Variants in VSX2 observed in about 807,000 individuals in gnomAD.
The protein encoded by VSX2 is ceh-10 homeo domain containing homolog.
A neutral mutation model predicts 32.1 loss-of-function variants in VSX2; 28 were observed. The ratio of observed to expected loss-of-function variants is 0.87; its 90% CI spans 0.65 to 1.20. VSX2 has a LOEUF of 1.20. Ranked by LOEUF, VSX2 falls within the 50% of genes most tolerant of loss-of-function variation. VSX2 has a pLI of 0.00. For missense variants in VSX2, 506 were observed against 488.7 expected (o/e 1.04, Z -0.33); for synonymous variants, 243 against 214.1 (o/e 1.14, Z -1.18).
chr14:74,260,764 G>A lies in VSX2; in HGVS notation c.931G>A (p.Ala311Thr). Residue 311 changes from alanine (A) to threonine (T), a missense_variant, in exon 5 of 5, where the codon GCC (alanine) becomes ACC (threonine). Transcript: ENST00000261980. ...GGAGAACAGCATTGCGGTGCTCCGGGCCAAAGCTCAGGAGCACAGCACCAA... is the reference window on the plus strand; with the variant it reads ...GGAGAACAGCATTGCGGTGCTCCGGACCAAAGCTCAGGAGCACAGCACCAA... ...LRENSIAVLR[A>T]KAQEHSTKVL... is the part of the protein sequence containing the mutation. 1.9e-6 allele frequency: 3 copies of A among 1,586,504 alleles called. No individual in the cohort carries two copies. Among genetic ancestry groups the A allele is most frequent in the Non-Finnish European group, 2.6e-6 (3 of 1,166,596 alleles).
rs1186519777 is a variant in VSX2 at position 74,262,600 on chromosome 14, A to G, written c.*1681A>G. On this transcript the variant is annotated 3_prime_UTR_variant, in exon 5 of 5. Coordinates refer to ENST00000261980, the MANE Select transcript of VSX2 (RefSeq NM_182894.3). ...ATAGCCCCTGGTGTGTAAATAATGTACATAGAGTGAGAAGAAAGAAACTTG... is the reference window on the plus strand; with the variant it reads ...ATAGCCCCTGGTGTGTAAATAATGTGCATAGAGTGAGAAGAAAGAAACTTG... 2 of 152,208 alleles carry G rather than the reference A, an allele frequency of 1.3e-5. No homozygotes were observed. The highest frequency in any genetic ancestry group is 2.9e-5 in the Non-Finnish European group (2 of 68,038). 9.4% of individuals were successfully genotyped at this position (152,208 alleles called of 1,614,324 possible).
intron 3 of VSX2, among the ~76,000 whole-genome samples, chr14:74,258,138 C>G (rs1332034655): frequency 6.6e-6 from 1 of 152,106 alleles, no homozygotes; most frequent in East Asian, 1.9e-4. Flanking sequence ...TGGGGGTCCC[C>G]GGGGAAGCGG....
At position 74,239,555 on chromosome 14, in the gene VSX2, C is replaced by T. The variant is rs1406014598; in HGVS notation, c.-7C>T. 1.3e-6 allele frequency: 2 copies of T among 1,550,996 alleles called. No homozygotes were observed. Among genetic ancestry groups the T allele is most frequent in the Non-Finnish European group, 8.7e-7 (1 of 1,146,970 alleles). ...CTGCGGCCTCAGCCCCTCCAAAGAACAGGGAGATGACGGGGAAAGCAGGGG... is the reference window on the plus strand; with the variant it reads ...CTGCGGCCTCAGCCCCTCCAAAGAATAGGGAGATGACGGGGAAAGCAGGGG... On this transcript the variant is annotated 5_prime_UTR_variant, in exon 1 of 5. Coordinates refer to ENST00000261980, the MANE Select transcript of VSX2 (RefSeq NM_182894.3).
At chr14:74,259,536 AG>A in intron 3 of VSX2, 65 bp from the exon 4 acceptor site, 1 of 1,599,806 alleles carries the variant, frequency 6.3e-7, no homozygotes, top group Non-Finnish European at 8.6e-7. Context: ...CAAGCCTACA[AG>A]GGGTAAGGGC....
rs747681537 is a variant in VSX2, at chr14:74,253,565, TA to T, written c.580-6035del. On this transcript the variant is annotated intron_variant, in intron 3 of 4. Coordinates refer to ENST00000261980, the MANE Select transcript of VSX2 (RefSeq NM_182894.3). ...TGGCAGGCATTTCCCACACGCTGTTTAATTTCCACCAGAAACCTGCAGAGAG... is the reference window on the plus strand; with the variant it reads ...TGGCAGGCATTTCCCACACGCTGTTTATTTCCACCAGAAACCTGCAGAGAG... Among the ~76,000 whole-genome samples the T allele has an allele frequency of 7.2e-5, 11 of 152,354 alleles. No individual in the cohort carries two copies. The South Asian group carries it at 1.9e-3, about 26-fold the overall frequency.
At chr14:74,244,439 G>A (rs977259239) in intron 2 of VSX2, among the ~76,000 whole-genome samples, 2 of 152,102 alleles carry the variant, frequency 1.3e-5, no homozygotes, top group African/African-American at 4.8e-5. Context: ...GGGTGATGTC[G>A]AGGAAGGGCA....
At chr14:74,239,990 G>C in intron 1 of VSX2, 59 bp downstream of exon 1, 1 of 1,535,334 alleles carries the variant, frequency 6.5e-7, no homozygotes, top group Non-Finnish European at 8.8e-7. Context: ...GGAGCCCCGC[G>C]CCGTCGGCTC....
At chr14:74,246,563 G>A (rs991861748) in intron 3 of VSX2, among the ~76,000 whole-genome samples, 1 of 152,216 alleles carries the variant, frequency 6.6e-6, no homozygotes, top group Non-Finnish European at 1.5e-5. Flanking sequence ...CCACCCAATT[G>A]GGTTCTTGTG....
At chr14:74,248,768 G>A (rs1171887407) in intron 3 of VSX2, among the ~76,000 whole-genome samples, 3 of 152,092 alleles carry the variant, frequency 2.0e-5, no homozygotes, top group Admixed American at 6.6e-5. Context: ...TGGAGATCAG[G>A]AACCCGGATT....
intron 3 of VSX2, among the ~76,000 whole-genome samples, chr14:74,258,010 G>A (rs992177400): frequency 2.0e-5 from 3 of 152,164 alleles, no homozygotes; most frequent in African/African-American, 7.2e-5. Flanking sequence ...CGCCGAGCCC[G>A]CATGCATTTC....
At position 74,259,868 on chromosome 14, in the gene VSX2, G is replaced by A. The variant is rs7145867; in HGVS notation, c.760+86G>A. ...GGAGGGGACAGAGCCTTGAGGCAGG[G>A]GCACTTGGGCCACAGCAGCCTAGCA... On this transcript the variant is annotated intron_variant, in intron 4 of 4. Transcript: ENST00000261980. 16,070 of 1,397,790 alleles carry A rather than the reference G, an allele frequency of 0.011. 1,378 individuals are homozygous for A. In the African/African-American group the frequency reaches 0.19, roughly 17 times the overall value. 86.6% of individuals were successfully genotyped at this position (1,397,790 alleles called of 1,614,324 possible).
chr14:74,260,186 TTC>T (rs1161784644), intron 4 of VSX2, among the ~76,000 whole-genome samples: 1 of 152,198 alleles, frequency 6.6e-6, no homozygotes, highest in East Asian at 1.9e-4. Context: ...CCCAAAGGAC[TTC>T]TGTCCCCCAA....
At chr14:74,258,655 G>A (rs139330563) in intron 3 of VSX2, among the ~76,000 whole-genome samples, 19 of 152,294 alleles carry the variant, frequency 1.2e-4, no homozygotes, top group African/African-American at 4.3e-4. Context: ...GGCTCTGTCA[G>A]CTGCGGGAAA....
rs1413077993 is a variant in VSX2 at position 74,254,746 on chromosome 14, C to T, written c.580-4856C>T. ...GACAAACACTGATTTTAGGCACTCA[C>T]TTATTTCATGTAATCCTCCAAAAAC... On this transcript the variant is annotated intron_variant, in intron 3 of 4. Transcript: ENST00000261980. Among the ~76,000 whole-genome samples the T allele has an allele frequency of 3.3e-5, 5 of 149,314 alleles. No individual in the cohort carries two copies. The South Asian group carries it at 1.1e-3, about 31-fold the overall frequency.
At position 74,239,810 on chromosome 14, in the gene VSX2, G is replaced by T. The variant is rs751526974; in HGVS notation, c.249G>T (p.Gly83=). The T allele has an allele frequency of 6.4e-7, 1 of 1,571,050 alleles. No homozygotes were observed. Among genetic ancestry groups the T allele is most frequent in the Non-Finnish European group, 8.6e-7 (1 of 1,159,502 alleles). The part of the protein sequence containing the change: ...VGGMGLLGPG[G]LPGFYTQPTF... ...GCATGGGGCTTCTGGGGCCCGGGGG[G>T]CTCCCTGGCTTCTACACGCAGCCCA... Residue 83 remains glycine (G), a synonymous_variant, in exon 1 of 5, where the codon GGG becomes GGT. Coordinates refer to ENST00000261980, the MANE Select transcript of VSX2 (RefSeq NM_182894.3).
At chr14:74,241,726 C>T (rs1566883392) in intron 2 of VSX2, among the ~76,000 whole-genome samples, 1 of 152,234 alleles carries the variant, frequency 6.6e-6, no homozygotes, top group South Asian at 2.1e-4. Context: ...CCTAAGCTTT[C>T]TGCTCCCACC....
intron 4 of VSX2, among the ~76,000 whole-genome samples, chr14:74,260,194 C>T (rs2079295457): frequency 6.6e-6 from 1 of 152,214 alleles, no homozygotes; most frequent in Non-Finnish European, 1.5e-5. Flanking sequence ...ACTTCTGTCC[C>T]CCAAATCTCT....
intron 3 of VSX2, among the ~76,000 whole-genome samples, chr14:74,250,057 A>G (rs2079219030): frequency 6.6e-6 from 1 of 152,116 alleles, no homozygotes; most frequent in African/African-American, 2.4e-5. Flanking sequence ...CCTGGGAAAC[A>G]TGGCAAAACC....
chr14:74,259,620 C>G lies in VSX2; in HGVS notation c.598C>G (p.Arg200Gly), dbSNP rs768459071. ...DRIQVWFQNR[R>G]AKWRKREKCW... Reference sequence around the variant, plus strand: ...CCTGCAGGTCTGGTTCCAGAACCGTCGAGCCAAGTGGAGGAAGCGGGAGAA... The same window carrying G: ...CCTGCAGGTCTGGTTCCAGAACCGTGGAGCCAAGTGGAGGAAGCGGGAGAA... Residue 200 changes from arginine to glycine, a missense_variant, in exon 4 of 5, where the codon CGA (arginine) becomes GGA (glycine). By Grantham distance (125) the Arg-to-Gly change is moderately radical. Coordinates refer to ENST00000261980, the MANE Select transcript of VSX2 (RefSeq NM_182894.3). The G allele has an allele frequency of 3.7e-6, 6 of 1,614,012 alleles. No homozygotes were observed. The highest frequency in any genetic ancestry group is 8.5e-7 in the Non-Finnish European group (1 of 1,180,024).
Sources: gnomAD v4.1 joint callset for allele counts (sites outside exome capture counted in the v4.1 genomes callset) on GRCh38, gnomAD v4.1.1 for gene constraint, MANE v1.5 for transcripts, NCBI Gene and HGNC (gene_info 2026-07-23, HGNC 2026-07-21) for gene names.